MAPKAP1: variants seen among roughly 807,000 people sequenced by gnomAD.
MAPKAP1 encodes the protein MAPK associated protein 1, also known as target of rapamycin complex 2 subunit MAPKAP1.
In MAPKAP1, 20 loss-of-function variants were observed where a neutral mutation model predicts 65.7. That is an observed-to-expected ratio of 0.30 (90% confidence interval 0.21 to 0.44). The LOEUF (loss-of-function observed/expected upper bound fraction) is 0.44. Ranked by LOEUF, MAPKAP1 falls within the 20% of genes least tolerant of loss-of-function variation. The pLI, the probability that MAPKAP1 is intolerant of heterozygous loss-of-function variation, is 1.00. For missense variants in MAPKAP1, 423 were observed against 648.0 expected (o/e 0.65, Z 3.77); for synonymous variants, 222 against 244.3 (o/e 0.91, Z 0.85).
At chr9:125,537,362 G>A (rs941356398) in intron 7 of MAPKAP1, among the ~76,000 whole-genome samples, 1 of 152,176 alleles carries the variant, frequency 6.6e-6, no homozygotes, top group Non-Finnish European at 1.5e-5. Flanking sequence ...ATGTTGTACA[G>A]ATTAAATGAG....
chr9:125,490,885 C>G (rs1854685389), intron 8 of MAPKAP1, among the ~76,000 whole-genome samples: 1 of 152,106 alleles, frequency 6.6e-6, no homozygotes, highest in South Asian at 2.1e-4. Context: ...CACCTGTAAT[C>G]CCAGCACTTT....
chr9:125,688,746 C>T (rs1013280492), intron 1 of MAPKAP1, among the ~76,000 whole-genome samples: 2 of 152,096 alleles, frequency 1.3e-5, no homozygotes, highest in Non-Finnish European at 2.9e-5. Context: ...CTCTTAAAAA[C>T]AAAATAAAGG....
rs537834763 is a variant in MAPKAP1, at chr9:125,438,693, G to A, written c.*194C>T. 33 of 620,270 alleles carry A rather than the reference G, an allele frequency of 5.3e-5. No homozygotes were observed. The highest frequency in any genetic ancestry group is 3.9e-4 in the African/African-American group (21 of 54,312). The allele number at this position is 620,270 out of a possible 1,614,324, so 38.4% of individuals were successfully genotyped here. A position where few individuals can be genotyped will look rare whatever the true frequency, so the allele number is the denominator to read the frequency against. On this transcript the variant is annotated 3_prime_UTR_variant, in exon 12 of 12. Coordinates refer to ENST00000265960, the MANE Select transcript of MAPKAP1 (RefSeq NM_001006617.3). ...CAAAGCCACTGCCAAGCAGACTTCCGTCCCATGGCAATGTCCCCAGCGCTC... is the reference window on the plus strand; with the variant it reads ...CAAAGCCACTGCCAAGCAGACTTCCATCCCATGGCAATGTCCCCAGCGCTC...
intron 1 of MAPKAP1, among the ~76,000 whole-genome samples, chr9:125,691,447 C>T (rs940375712): frequency 6.6e-5 from 10 of 152,008 alleles, no homozygotes; most frequent in Non-Finnish European, 1.5e-4. Context: ...ACACAATGAG[C>T]GGGCTTCAGA....
chr9:125,656,943 A>G (rs1022386236), intron 4 of MAPKAP1, among the ~76,000 whole-genome samples: 3 of 152,202 alleles, frequency 2.0e-5, no homozygotes, highest in Non-Finnish European at 4.4e-5. Flanking sequence ...CTTTAATTTC[A>G]TAACAGCAAA....
At chr9:125,574,788 AT>A (rs1477486228) in intron 5 of MAPKAP1, among the ~76,000 whole-genome samples, 2 of 152,244 alleles carry the variant, frequency 1.3e-5, no homozygotes, top group African/African-American at 4.8e-5. Context: ...AGAAATGAAC[AT>A]TTATTGAGCA....
At chr9:125,658,471 G>A (rs750709761) in intron 3 of MAPKAP1, among the ~76,000 whole-genome samples, 8 of 152,086 alleles carry the variant, frequency 5.3e-5, no homozygotes, top group East Asian at 1.9e-4. Context: ...AGATACTAGC[G>A]TTATCTCAGA....
intron 4 of MAPKAP1, among the ~76,000 whole-genome samples, chr9:125,605,607 C>T (rs4838277): frequency 0.28 from 43,024 of 152,164 alleles, 6,854 homozygotes; most frequent in Non-Finnish European, 0.36. Flanking sequence ...CATCTCTGCA[C>T]TTCGGAACCC....
At chr9:125,526,620 T>C (rs758166720) in intron 7 of MAPKAP1, among the ~76,000 whole-genome samples, 1 of 152,218 alleles carries the variant, frequency 6.6e-6, no homozygotes, top group Non-Finnish European at 1.5e-5. Context: ...ATGAATGGTT[T>C]GCTTTTAGGA....
intron 10 of MAPKAP1, among the ~76,000 whole-genome samples, chr9:125,449,319 T>A (rs1852851640): frequency 6.6e-6 from 1 of 152,174 alleles, no homozygotes. Flanking sequence ...GTCACATACA[T>A]CCCTGCATAT....
At chr9:125,599,861 C>T (rs896089693) in intron 4 of MAPKAP1, 2 of 152,436 alleles carry the variant, frequency 1.3e-5, no homozygotes, top group East Asian at 1.9e-4. Flanking sequence ...GCTTGAACTC[C>T]TGACCTCAGG....
chr9:125,575,945 G>C (rs897845908), intron 5 of MAPKAP1, among the ~76,000 whole-genome samples: 1 of 152,156 alleles, frequency 6.6e-6, no homozygotes, highest in Non-Finnish European at 1.5e-5. Context: ...AAGCAACCAA[G>C]ATATCTTTCA....
chr9:125,652,016 A>C, intron 4 of MAPKAP1: 2 of 856,906 alleles, frequency 2.3e-6, no homozygotes, highest in South Asian at 4.7e-5. Flanking sequence ...AACATATTAG[A>C]AGGGACCATT....
chr9:125,482,680 G>A (rs1854361735), intron 9 of MAPKAP1, among the ~76,000 whole-genome samples: 1 of 152,108 alleles, frequency 6.6e-6, no homozygotes, highest in African/African-American at 2.4e-5. Flanking sequence ...TTGTTATAAT[G>A]TTGATAAGGG....
At chr9:125,689,497 T>G (rs1358852314) in intron 1 of MAPKAP1, among the ~76,000 whole-genome samples, 1 of 131,820 alleles carries the variant, frequency 7.6e-6, no homozygotes. Flanking sequence ...CTATAATCCC[T>G]GCACTTTGGG....
At chr9:125,613,859 G>A (rs1438052570) in intron 4 of MAPKAP1, among the ~76,000 whole-genome samples, 6 of 151,030 alleles carry the variant, frequency 4.0e-5, no homozygotes, top group Admixed American at 3.3e-4. Context: ...GTGCAGTGGC[G>A]CGATCTCAGC....
chr9:125,519,290 T>G (rs1763805921), intron 7 of MAPKAP1, among the ~76,000 whole-genome samples: 1 of 152,098 alleles, frequency 6.6e-6, no homozygotes, highest in African/African-American at 2.4e-5. Flanking sequence ...TTAAAGGGGT[T>G]GAGCAGGCAA....
intron 7 of MAPKAP1, among the ~76,000 whole-genome samples, chr9:125,516,418 A>G (rs1283083709): frequency 6.6e-6 from 1 of 152,236 alleles, no homozygotes; most frequent in Non-Finnish European, 1.5e-5. Context: ...TAGAAGCGGC[A>G]GCCATTCATC....
intron 7 of MAPKAP1, among the ~76,000 whole-genome samples, chr9:125,528,480 C>G (rs1056691143): frequency 1.3e-5 from 2 of 152,212 alleles, no homozygotes; most frequent in African/African-American, 4.8e-5. Flanking sequence ...TATGCCTGAG[C>G]CTGGGAGCCA....
Sources: gnomAD v4.1 joint callset for allele counts (sites outside exome capture counted in the v4.1 genomes callset) on GRCh38, gnomAD v4.1.1 for gene constraint, MANE v1.5 for transcripts, NCBI Gene and HGNC (gene_info 2026-07-23, HGNC 2026-07-21) for gene names.